Variants in UNC5D observed in about 807,000 individuals in gnomAD.
UNC5D encodes netrin receptor UNC5D.
A neutral mutation model predicts 105.4 loss-of-function variants in UNC5D; 39 were observed. The observed-to-expected ratio is 0.37, with a 90% CI of 0.29 to 0.48. The LOEUF (loss-of-function observed/expected upper bound fraction) is 0.48, where lower values mean the gene tolerates loss of function less well. Ranked by LOEUF, UNC5D falls within the 20% of genes least tolerant of loss-of-function variation. The probability of loss-of-function intolerance (pLI) is 0.98; values close to 1 mark genes in which losing one functional copy is unlikely to be tolerated. For missense variants in UNC5D, 991 were observed against 1,202.4 expected (o/e 0.82, Z 2.60); for synonymous variants, 452 against 450.4 (o/e 1.00, Z -0.04).
intron 1 of UNC5D, among the ~76,000 whole-genome samples, chr8:35,424,373 A>G (rs1344620540): frequency 6.6e-6 from 1 of 152,224 alleles, no homozygotes; most frequent in Non-Finnish European, 1.5e-5. Context: ...TCTCATTAGT[A>G]GTAGTCTTGG....
intron 1 of UNC5D, among the ~76,000 whole-genome samples, chr8:35,547,285 CTTTTTTTTT>C (rs11363785): frequency 1.6e-5 from 2 of 128,026 alleles, no homozygotes; most frequent in Admixed American, 1.6e-4. Context: ...GAACATTACT[CTTTTTTTTT>C]TTTTTTTTTT....
At chr8:35,469,485 T>A (rs182814077) in intron 1 of UNC5D, among the ~76,000 whole-genome samples, 3 of 152,196 alleles carry the variant, frequency 2.0e-5, no homozygotes, top group Non-Finnish European at 4.4e-5. Flanking sequence ...GGACAGCCCA[T>A]ATTGAGTGTC....
intron 1 of UNC5D, among the ~76,000 whole-genome samples, chr8:35,366,455 A>G (rs10108964): frequency 0.49 from 74,676 of 151,738 alleles, 18,566 homozygotes; most frequent in East Asian, 0.7. Flanking sequence ...CTCAGGCAGT[A>G]TTTTTCTTGA....
intron 1 of UNC5D, among the ~76,000 whole-genome samples, chr8:35,257,149 T>G (rs1804140289): frequency 6.6e-6 from 1 of 151,976 alleles, no homozygotes; most frequent in African/African-American, 2.4e-5. Context: ...TTTTTTTATT[T>G]GTAGTAGAGA....
chr8:35,540,672 C>T (rs961959448), intron 1 of UNC5D, among the ~76,000 whole-genome samples: 3 of 152,110 alleles, frequency 2.0e-5, no homozygotes, highest in African/African-American at 7.2e-5. Flanking sequence ...CTGTATGTTT[C>T]CATTAGGGGA....
intron 1 of UNC5D, among the ~76,000 whole-genome samples, chr8:35,492,530 C>T (rs542709778): frequency 2.0e-5 from 3 of 152,030 alleles, no homozygotes; most frequent in Admixed American, 6.6e-5. Flanking sequence ...AGGATTTTTC[C>T]TCTTCCTCTG....
At chr8:35,608,978 T>C (rs1586241839) in intron 4 of UNC5D, among the ~76,000 whole-genome samples, 1 of 152,278 alleles carries the variant, frequency 6.6e-6, no homozygotes, top group Admixed American at 6.5e-5. Context: ...TCAAGAAATA[T>C]CCAAACTATT....
intron 4 of UNC5D, among the ~76,000 whole-genome samples, chr8:35,640,233 A>T (rs540632836): frequency 6.6e-6 from 1 of 152,126 alleles, no homozygotes; most frequent in Non-Finnish European, 1.5e-5. Flanking sequence ...AGCTAGGCCA[A>T]ATATTTTCCT....
intron 4 of UNC5D, among the ~76,000 whole-genome samples, chr8:35,606,665 C>G (rs1013686046): frequency 6.6e-6 from 1 of 152,176 alleles, no homozygotes; most frequent in Non-Finnish European, 1.5e-5. Context: ...TTACCACCCC[C>G]ACTGCTTGTT....
intron 1 of UNC5D, among the ~76,000 whole-genome samples, chr8:35,502,417 A>G (rs1345546820): frequency 6.6e-6 from 1 of 152,230 alleles, no homozygotes; most frequent in East Asian, 1.9e-4. Context: ...GTTATCCCAG[A>G]TGACCATGGG....
intron 1 of UNC5D, among the ~76,000 whole-genome samples, chr8:35,447,638 C>T (rs570477756): frequency 1.3e-5 from 2 of 152,210 alleles, no homozygotes; most frequent in South Asian, 4.1e-4. Flanking sequence ...GCCTGGCAGA[C>T]AATTGTGTCC....
intron 1 of UNC5D, among the ~76,000 whole-genome samples, chr8:35,295,137 TATG>T (rs200765000): frequency 6.6e-6 from 1 of 152,180 alleles, no homozygotes; most frequent in East Asian, 1.9e-4. Flanking sequence ...TTTATGCAGT[TATG>T]ATTTAATACT....
At chr8:35,364,774 T>G (rs1356604610) in intron 1 of UNC5D, among the ~76,000 whole-genome samples, 8 of 152,198 alleles carry the variant, frequency 5.3e-5, no homozygotes, top group African/African-American at 1.4e-4. Context: ...AACCTACCCC[T>G]TCACTATTTC....
chr8:35,248,891 T>A (rs1308410236), intron 1 of UNC5D, among the ~76,000 whole-genome samples: 1 of 90,222 alleles, frequency 1.1e-5, no homozygotes, highest in Non-Finnish European at 1.9e-5. Flanking sequence ...ATATATTATA[T>A]AAATATATAA....
intron 1 of UNC5D, among the ~76,000 whole-genome samples, chr8:35,381,998 G>A (rs1803073654): frequency 6.6e-6 from 1 of 152,212 alleles, no homozygotes; most frequent in African/African-American, 2.4e-5. Context: ...AAAGTTGGAT[G>A]TGATTTCAAA....
At chr8:35,730,494 C>T (rs191658499) in intron 10 of UNC5D, among the ~76,000 whole-genome samples, 13 of 152,196 alleles carry the variant, frequency 8.5e-5, no homozygotes, top group South Asian at 4.1e-4. Context: ...TGACAAAATG[C>T]GACACCCCAC....
intron 1 of UNC5D, among the ~76,000 whole-genome samples, chr8:35,337,404 ATTC>A (rs1811125229): frequency 6.6e-6 from 1 of 152,230 alleles, no homozygotes; most frequent in Non-Finnish European, 1.5e-5. Flanking sequence ...AAGTGGGTTT[ATTC>A]TTTTTCCATT....
At chr8:35,327,935 T>A in intron 1 of UNC5D, among the ~76,000 whole-genome samples, 1 of 152,342 alleles carries the variant, frequency 6.6e-6, no homozygotes, top group East Asian at 1.9e-4. Context: ...GCATCTTTGA[T>A]AGATGACAGT....
chr8:35,534,251 C>T (rs1364304327), intron 1 of UNC5D, among the ~76,000 whole-genome samples: 1 of 152,098 alleles, frequency 6.6e-6, no homozygotes, highest in Non-Finnish European at 1.5e-5. Flanking sequence ...ACTCGTAATG[C>T]TGTTTGTCAG....
Sources: gnomAD v4.1 joint callset for allele counts (sites outside exome capture counted in the v4.1 genomes callset) on GRCh38, gnomAD v4.1.1 for gene constraint, MANE v1.5 for transcripts, NCBI Gene and HGNC (gene_info 2026-07-23, HGNC 2026-07-21) for gene names.